Variants in CCNI observed in about 807,000 individuals in gnomAD.
CCNI encodes the protein cyclin I, also known as cyclin-I.
A neutral mutation model predicts 34.1 loss-of-function variants in CCNI; 14 were observed. The observed-to-expected ratio is 0.41, with a 90% CI of 0.27 to 0.64. The LOEUF is 0.64. CCNI is among the 30% of genes least tolerant of loss of function. CCNI has a pLI of 0.31. For synonymous variants in CCNI, 154 were observed against 158.4 expected (o/e 0.97, Z 0.21); for missense variants, 385 against 440.5 (o/e 0.87, Z 1.13).
intron 2 of CCNI, among the ~76,000 whole-genome samples, chr4:77,062,418 G>A (rs1728678270): frequency 6.6e-6 from 1 of 152,136 alleles, no homozygotes; most frequent in African/African-American, 2.4e-5. Flanking sequence ...AAAAAAATTA[G>A]GCATGGTGGT....
rs1448920630 is a variant in CCNI, at chr4:77,047,782, T to C, written c.*437A>G. The C allele has an allele frequency of 2.5e-5, 4 of 157,680 alleles. No homozygotes were observed. The highest frequency in any genetic ancestry group is 1.8e-4 in the East Asian group (1 of 5,434). The allele number at this position is 157,680 out of a possible 1,614,324, so 9.8% of individuals were successfully genotyped here. A position where few individuals can be genotyped will look rare whatever the true frequency, so the allele number is the denominator to read the frequency against. ...TTTGTTCATTCAACTGCAGTGAAAA[T>C]CAATATAGATCAACATGCATAAAGT... is the stretch of plus-strand genomic sequence containing the variant. On this transcript the variant is annotated 3_prime_UTR_variant, in exon 7 of 7. Coordinates refer to ENST00000237654, the MANE Select transcript of CCNI (RefSeq NM_006835.3).
At chr4:77,060,291 T>C (rs1330557735) in intron 2 of CCNI, among the ~76,000 whole-genome samples, 2 of 152,202 alleles carry the variant, frequency 1.3e-5, no homozygotes, top group East Asian at 3.8e-4. Flanking sequence ...AGCATATATA[T>C]GGAATGCAAA....
Position 77,048,111 on chromosome 4 carries a change from A to C in CCNI, c.*108T>G. 1 of 745,946 alleles carries C rather than the reference A, an allele frequency of 1.3e-6. No homozygotes were observed. Among genetic ancestry groups the C allele is most frequent in the Non-Finnish European group, 2.2e-6 (1 of 459,842 alleles). The allele number at this position is 745,946 out of a possible 1,614,324, so 46.2% of individuals were successfully genotyped here. A position where few individuals can be genotyped will look rare whatever the true frequency, so the allele number is the denominator to read the frequency against. ...ATTTTTTTTTTCTGGCTCACTCCAAATCAGCCTGTTAAGGTATATTTCCTT... is the reference window on the plus strand; with the variant it reads ...ATTTTTTTTTTCTGGCTCACTCCAACTCAGCCTGTTAAGGTATATTTCCTT... On this transcript the variant is annotated 3_prime_UTR_variant, in exon 7 of 7. Transcript: ENST00000237654.
intron 2 of CCNI, among the ~76,000 whole-genome samples, chr4:77,061,616 A>G (rs1728611187): frequency 6.6e-6 from 1 of 152,196 alleles, no homozygotes; most frequent in Admixed American, 6.5e-5. Context: ...AAGATTAAGT[A>G]CAATTCCCCA....
At chr4:77,051,959 T>TG (rs541574617) in intron 6 of CCNI, among the ~76,000 whole-genome samples, 6 of 150,954 alleles carry the variant, frequency 4.0e-5, no homozygotes, top group Admixed American at 3.9e-4. Flanking sequence ...TTTTTGTTTT[T>TG]TTTTTTTTAA....
chr4:77,050,188 C>T (rs572029098), intron 6 of CCNI, among the ~76,000 whole-genome samples: 2 of 152,212 alleles, frequency 1.3e-5, no homozygotes, highest in South Asian at 2.1e-4. Flanking sequence ...AATTGTATTG[C>T]GCATTCCTTC....
chr4:77,057,627 A>G (rs1434348444), intron 3 of CCNI, among the ~76,000 whole-genome samples: 1 of 152,224 alleles, frequency 6.6e-6, no homozygotes, highest in African/African-American at 2.4e-5. Flanking sequence ...TTTCTGCTTT[A>G]AATATGTTGA....
chr4:77,074,597 A>AC (rs1729753730), intron 1 of CCNI, among the ~76,000 whole-genome samples: 1 of 152,134 alleles, frequency 6.6e-6, no homozygotes, highest in African/African-American at 2.4e-5. Context: ...GGCTCCTACT[A>AC]CCAGCCTTGG....
chr4:77,054,625 G>A (rs1728083308), intron 6 of CCNI, among the ~76,000 whole-genome samples: 1 of 152,174 alleles, frequency 6.6e-6, no homozygotes, highest in African/African-American at 2.4e-5. Context: ...ATAATAATCT[G>A]TAGATACAAG....
chr4:77,070,263 T>C (rs1729359817), intron 1 of CCNI, among the ~76,000 whole-genome samples: 1 of 151,936 alleles, frequency 6.6e-6, no homozygotes, highest in African/African-American at 2.4e-5. Flanking sequence ...GTGATCTGCC[T>C]GCCTTGGCCT....
chr4:77,058,441 T>C, intron 3 of CCNI, 66 bp downstream of exon 3: 4 of 1,277,516 alleles, frequency 3.1e-6, no homozygotes, highest in Non-Finnish European at 4.4e-6. Context: ...TGTTCACTAA[T>C]AGCCTCTAGT....
chr4:77,048,468 C>T lies in CCNI; in HGVS notation c.885G>A (p.Lys295=), dbSNP rs746094135. ...PGPDFSKDNS[K]PEVPVRGTAA... ...CTGTACCTCTGACTGGCACTTCTGG[C>T]TTGCTGTTGTCCTTGGAGAAGTCTG... The change falls in exon 7 of 7, where the codon AAG becomes AAA. Residue 295 remains lysine, a synonymous_variant. Transcript: ENST00000237654. 12 of 1,614,010 alleles carry T rather than the reference C, an allele frequency of 7.4e-6. No individual in the cohort carries two copies. In the South Asian group the frequency reaches 1.3e-4, roughly 18 times the overall value.
intron 2 of CCNI, among the ~76,000 whole-genome samples, chr4:77,063,947 A>C (rs1191038601): frequency 1.3e-5 from 2 of 152,054 alleles, no homozygotes; most frequent in African/African-American, 2.4e-5. Context: ...AATCACCTAC[A>C]GAAATAGGCC....
At chr4:77,050,510 C>A (rs1450620130) in intron 6 of CCNI, among the ~76,000 whole-genome samples, 2 of 152,066 alleles carry the variant, frequency 1.3e-5, no homozygotes, top group African/African-American at 2.4e-5. Context: ...AATACAAATG[C>A]AAAGTAACTG....
At chr4:77,065,148 A>G (rs1210510575) in intron 2 of CCNI, 1 of 152,250 alleles carries the variant, frequency 6.6e-6, no homozygotes, top group South Asian at 2.1e-4. Flanking sequence ...TGAAGAATGT[A>G]TTTCTTTAGC....
At chr4:77,070,474 CTTTTTTT>C (rs543086530) in intron 1 of CCNI, among the ~76,000 whole-genome samples, 10 of 119,170 alleles carry the variant, frequency 8.4e-5, no homozygotes, top group African/African-American at 1.2e-4. Context: ...TGGGTACTTT[CTTTTTTT>C]TTTTTTTTTT....
At chr4:77,059,460 G>A (rs1728456838) in intron 2 of CCNI, among the ~76,000 whole-genome samples, 2 of 151,524 alleles carry the variant, frequency 1.3e-5, no homozygotes, top group South Asian at 4.2e-4. Context: ...CAAATAATAT[G>A]TAGGAAGATT....
chr4:77,074,790 C>T lies in CCNI; in HGVS notation c.-44+682G>A, dbSNP rs1729771761. 3 of 152,226 alleles carry T rather than the reference C, an allele frequency of 2.0e-5. No individual in the cohort carries two copies. In the South Asian group the frequency reaches 6.2e-4, roughly 32 times the overall value. The allele number at this position is 152,226 out of a possible 1,614,324, so 9.4% of individuals were successfully genotyped here. ...CCTTCAGAGTCTGAATCCATCCTAC[C>T]TCCCGAAACACCTTCCACTGTTTTG... On this transcript the variant is annotated intron_variant, in intron 1 of 6. Coordinates refer to ENST00000237654, the MANE Select transcript of CCNI (RefSeq NM_006835.3).
intron 2 of CCNI, among the ~76,000 whole-genome samples, chr4:77,061,920 C>T (rs192498313): frequency 7.2e-5 from 11 of 152,300 alleles, no homozygotes; most frequent in East Asian, 1.9e-4. Context: ...CCACCCGCCT[C>T]GGCCTCCCAA....
Sources: gnomAD v4.1 joint callset for allele counts (sites outside exome capture counted in the v4.1 genomes callset) on GRCh38, gnomAD v4.1.1 for gene constraint, MANE v1.5 for transcripts, NCBI Gene and HGNC (gene_info 2026-07-23, HGNC 2026-07-21) for gene names.